PCLO: variants seen among roughly 807,000 people sequenced by gnomAD.
PCLO encodes the protein protein piccolo.
PCLO carries 82 observed loss-of-function variants against 427.5 expected under a neutral mutation model. The observed-to-expected ratio is 0.19, with a 90% CI of 0.16 to 0.23. The LOEUF (loss-of-function observed/expected upper bound fraction) is 0.23. PCLO is among the 10% of genes least tolerant of loss of function. The pLI is 1.00. For synonymous variants in PCLO, 2,357 were observed against 2,155.4 expected (o/e 1.09, Z -2.59); for missense variants, 6,239 against 6,115.9 (o/e 1.02, Z -0.67).
intron 10 of PCLO, among the ~76,000 whole-genome samples, chr7:82,852,705 C>T (rs566582020): frequency 6.6e-6 from 1 of 152,180 alleles, no homozygotes; most frequent in Non-Finnish European, 1.5e-5. Flanking sequence ...CCTTAATAAA[C>T]TCCCTTTCAT....
intron 3 of PCLO, among the ~76,000 whole-genome samples, chr7:83,000,645 G>A (rs1398154472): frequency 6.6e-6 from 1 of 151,988 alleles, no homozygotes; most frequent in Non-Finnish European, 1.5e-5. Context: ...ACACTCCTTT[G>A]AGAGTCTAAT....
rs1184093165 is a variant in PCLO, at chr7:82,883,523, TCAG to T, written c.13529-4064_13529-4062del. On this transcript the variant is annotated intron_variant, in intron 9 of 24. Transcript: ENST00000333891. ...TTTTCACTATTTATCCAATTATTGG[TCAG>T]TATTTAAAAAAAAATTCCTATAAAC... Among the ~76,000 whole-genome samples, 1,020 of 152,188 alleles carry T rather than the reference TCAG, an allele frequency of 6.7e-3. 8 individuals are homozygous for T. Among genetic ancestry groups the T allele is most frequent in the African/African-American group, 0.023 (975 of 41,536 alleles).
At chr7:82,940,627 TA>T (rs1394213860) in intron 6 of PCLO, among the ~76,000 whole-genome samples, 2 of 152,008 alleles carry the variant, frequency 1.3e-5, no homozygotes, top group Admixed American at 6.5e-5. Flanking sequence ...CCTCAAGAGT[TA>T]TTTATCATTC....
intron 3 of PCLO, among the ~76,000 whole-genome samples, chr7:82,982,371 G>A (rs895169412): frequency 3.9e-5 from 6 of 152,056 alleles, no homozygotes; most frequent in Admixed American, 2.6e-4. Context: ...GTTGATCCAC[G>A]AAGAATCAGT....
At position 83,113,573 on chromosome 7, in the gene PCLO, C is replaced by T. The variant is rs1791058632; in HGVS notation, c.3300+20677G>A. Reference sequence around the variant, plus strand: ...ACCAGATATGAAGTTGACCAATATTCCAGTTTACTTTATTCAGCTACTATA... The same window carrying T: ...ACCAGATATGAAGTTGACCAATATTTCAGTTTACTTTATTCAGCTACTATA... On this transcript the variant is annotated intron_variant, in intron 3 of 24. Transcript: ENST00000333891. Among the ~76,000 whole-genome samples the T allele has an allele frequency of 2.6e-5, 4 of 152,216 alleles. No homozygotes were observed. The South Asian group carries it at 6.2e-4, about 24-fold the overall frequency.
intron 3 of PCLO, among the ~76,000 whole-genome samples, chr7:83,024,937 AC>A (rs1468781092): frequency 6.6e-6 from 1 of 152,184 alleles, no homozygotes; most frequent in Non-Finnish European, 1.5e-5. Flanking sequence ...GGACATCTAC[AC>A]CAAAAACCCA....
In PCLO at chr7:82,955,885, T is replaced by C. The variant is rs1380926559; in HGVS notation, c.5068A>G (p.Ser1690Gly). 1 of 1,613,934 alleles carries C rather than the reference T, an allele frequency of 6.2e-7. No individual in the cohort carries two copies. Among genetic ancestry groups the C allele is most frequent in the Non-Finnish European group, 8.5e-7 (1 of 1,179,866 alleles). ...TCTGGCTCTTCGTCAAAATACAAAC[T>C]TGTTTTTTTCTGTGATGACTCTGCA... ...YSAESSQKKT[S>G]LYFDEEPELE... is the part of the protein sequence containing the mutation. Residue 1690 changes from serine to glycine, a missense_variant, in exon 5 of 25, where the codon AGT (serine) becomes GGT (glycine). This residue lies in a region of PCLO where 4,677 missense variants were observed against 4,468.4 expected (regional missense o/e 1.05). Transcript: ENST00000333891.
intron 12 of PCLO, among the ~76,000 whole-genome samples, chr7:82,845,840 A>G (rs1014341821): frequency 6.6e-6 from 1 of 152,100 alleles, no homozygotes; most frequent in African/African-American, 2.4e-5. Context: ...TAAATTTTAC[A>G]TAGTTCTTTC....
chr7:82,945,757 A>G (rs1795187885), intron 6 of PCLO, among the ~76,000 whole-genome samples: 1 of 152,196 alleles, frequency 6.6e-6, no homozygotes. Flanking sequence ...TCTGGAAAAG[A>G]GTAATGAATA....
chr7:82,772,798 T>G lies in PCLO; in HGVS notation c.15008-11305A>C, dbSNP rs1382225636. Among the ~76,000 whole-genome samples the G allele has an allele frequency of 2.6e-5, 4 of 152,320 alleles. No homozygotes were observed. In the East Asian group the frequency reaches 5.8e-4, roughly 22 times the overall value. ...TTCTTAGCATTTATTTTACTGTGTC[T>G]GAAAATAACCAGATTTCTTTAAATT... On this transcript the variant is annotated intron_variant, in intron 22 of 24. Transcript: ENST00000333891.
intron 22 of PCLO, among the ~76,000 whole-genome samples, chr7:82,794,767 C>T (rs998541925): frequency 6.6e-6 from 1 of 151,832 alleles, no homozygotes; most frequent in Non-Finnish European, 1.5e-5. Flanking sequence ...AGCCACTGCG[C>T]CTGGCTCTCC....
At chr7:82,867,092 T>C (rs991302785) in intron 10 of PCLO, among the ~76,000 whole-genome samples, 19 of 152,078 alleles carry the variant, frequency 1.2e-4, no homozygotes, top group Admixed American at 5.9e-4. Context: ...AAGACAAACA[T>C]CATTAATTTT....
At chr7:83,044,053 C>T (rs1430717638) in intron 3 of PCLO, among the ~76,000 whole-genome samples, 3 of 151,214 alleles carry the variant, frequency 2.0e-5, no homozygotes, top group East Asian at 2.0e-4. Context: ...CTCACAGTTC[C>T]GCATGGGCTA....
intron 3 of PCLO, among the ~76,000 whole-genome samples, chr7:83,040,188 GT>G (rs1170271851): frequency 6.6e-6 from 1 of 152,106 alleles, no homozygotes; most frequent in Non-Finnish European, 1.5e-5. Flanking sequence ...GTAAACCTGA[GT>G]AATGATCATT....
intron 2 of PCLO, 90 bp from the exon 3 acceptor site, chr7:83,135,746 T>C (rs1791710899): frequency 1.4e-6 from 1 of 721,566 alleles, no homozygotes; most frequent in Non-Finnish European, 2.2e-6. Context: ...TTTGAAACTA[T>C]GTCTCTCATC....
chr7:83,139,650 C>T (rs1791815635), intron 2 of PCLO, among the ~76,000 whole-genome samples: 1 of 152,140 alleles, frequency 6.6e-6, no homozygotes, highest in South Asian at 2.1e-4. Context: ...TGCTTTTCTC[C>T]TAATATACCC....
Position 82,914,948 on chromosome 7 carries a change from T to G in PCLO, c.13038A>C (p.Gln4346His). The change falls in exon 7 of 25, where the codon CAA becomes CAC. Residue 4346 changes from glutamine to histidine, a missense_variant. By Grantham distance (24) the Gln-to-His change is conservative. Around this residue, in one of 5 missense-constraint regions of PCLO, gnomAD observed 680 missense variants for 677.3 expected, o/e 1.00. Transcript: ENST00000333891. ...RTKPTSLPIS[Q>H]SRGRIPIVAQ... ...CCACAATTGGTATTCTTCCTCTACT[T>G]TGACTAATTGGCAAACTGGTCGGCT... The G allele has an allele frequency of 1.2e-6, 2 of 1,613,718 alleles. No homozygotes were observed. Among genetic ancestry groups the G allele is most frequent in the Non-Finnish European group, 1.7e-6 (2 of 1,179,738 alleles).
intron 6 of PCLO, among the ~76,000 whole-genome samples, chr7:82,943,531 C>T (rs1795131756): frequency 6.6e-6 from 1 of 152,022 alleles, no homozygotes; most frequent in Admixed American, 6.6e-5. Flanking sequence ...AAATTAGGTA[C>T]CTACTAGCTC....
intron 3 of PCLO, among the ~76,000 whole-genome samples, chr7:83,099,965 C>T (rs920413642): frequency 7.0e-6 from 1 of 143,402 alleles, no homozygotes; most frequent in Non-Finnish European, 1.5e-5. Flanking sequence ...ATAACAGAAG[C>T]TAGACTATAA....
Sources: gnomAD v4.1 joint callset for allele counts (sites outside exome capture counted in the v4.1 genomes callset) on GRCh38, gnomAD v4.1.1 for gene constraint, gnomAD v4.1.1 regional missense constraint, MANE v1.5 for transcripts, NCBI Gene and HGNC (gene_info 2026-07-23, HGNC 2026-07-21) for gene names.